Variants in AGPS observed in about 807,000 individuals in gnomAD.
AGPS encodes the protein alkylglycerone phosphate synthase.
AGPS carries 26 observed loss-of-function variants against 90.7 expected under a neutral mutation model. The ratio of observed to expected loss-of-function variants is 0.29; its 90% CI spans 0.21 to 0.40. The LOEUF (loss-of-function observed/expected upper bound fraction) is 0.40, where lower values mean the gene tolerates loss of function less well. Among genes scored for constraint, AGPS ranks in the 10% least tolerant of loss-of-function variants. The pLI, the probability that AGPS is intolerant of heterozygous loss-of-function variation, is 1.00. For missense variants in AGPS, 540 were observed against 816.1 expected (o/e 0.66, Z 4.12); for synonymous variants, 294 against 285.3 (o/e 1.03, Z -0.31).
intron 5 of AGPS, among the ~76,000 whole-genome samples, chr2:177,438,983 T>TACACACACACACAC (rs1252168755): frequency 1.3e-5 from 2 of 150,066 alleles, no homozygotes; most frequent in African/African-American, 4.9e-5. Flanking sequence ...ATTCTTGCAA[T>TACACACACACACAC]ACACACACAC....
chr2:177,476,650 G>A (rs1349666241), intron 10 of AGPS, among the ~76,000 whole-genome samples: 1 of 152,046 alleles, frequency 6.6e-6, no homozygotes, highest in East Asian at 1.9e-4. Context: ...TCTGTTGTTG[G>A]GTGGAGTGTT....
At chr2:177,430,550 T>A (rs1686211829) in intron 2 of AGPS, among the ~76,000 whole-genome samples, 1 of 152,196 alleles carries the variant, frequency 6.6e-6, no homozygotes, top group South Asian at 2.1e-4. Context: ...AAGTGTGGTT[T>A]CCCTGGTGGG....
At chr2:177,495,911 CTG>C (rs1688399393) in intron 12 of AGPS, among the ~76,000 whole-genome samples, 6 of 74,766 alleles carry the variant, frequency 8.0e-5, no homozygotes, top group Non-Finnish European at 1.2e-4. Flanking sequence ...CAGTGAGACT[CTG>C]TCTCAAAAAA....
At chr2:177,516,178 A>T (rs942456934) in intron 17 of AGPS, among the ~76,000 whole-genome samples, 8 of 152,156 alleles carry the variant, frequency 5.3e-5, no homozygotes, top group Admixed American at 2.0e-4. Flanking sequence ...TTATGGATCT[A>T]TTTAAAATCA....
rs560217758 is a variant in AGPS, at chr2:177,393,003, A to C, written c.214A>C (p.Thr72Pro). The C allele has an allele frequency of 6.5e-7, 1 of 1,550,228 alleles. No individual in the cohort carries two copies. The highest frequency in any genetic ancestry group is 2.4e-5 in the East Asian group (1 of 40,876). ...CGCGTCGGCGGCCACGGCAGCGCCC[A>C]CGGCCACTCCCGCCGCGCAGGAGTC... ...RAASAATAAP[T>P]ATPAAQESGT... The change falls in exon 1 of 20, where the codon ACG becomes CCG. Residue 72 changes from threonine (T) to proline (P), a missense_variant. Coordinates refer to ENST00000264167, the MANE Select transcript of AGPS (RefSeq NM_003659.4).
chr2:177,443,452 T>G (rs539995627), intron 7 of AGPS, among the ~76,000 whole-genome samples: 2 of 152,346 alleles, frequency 1.3e-5, no homozygotes, highest in South Asian at 2.1e-4. Context: ...TGTTGCTGCT[T>G]CTTGTCATTT....
At chr2:177,424,916 T>G (rs1274153591) in intron 2 of AGPS, among the ~76,000 whole-genome samples, 1 of 152,234 alleles carries the variant, frequency 6.6e-6, no homozygotes, top group Non-Finnish European at 1.5e-5. Flanking sequence ...TGCCCACTTT[T>G]TAATGGGGTT....
chr2:177,396,871 C>A (rs1574335801), intron 1 of AGPS, among the ~76,000 whole-genome samples: 3 of 151,774 alleles, frequency 2.0e-5, no homozygotes, highest in Admixed American at 1.3e-4. Context: ...GAGGGCTGAC[C>A]AAACAAAACC....
At chr2:177,397,690 C>T (rs1293969491) in intron 1 of AGPS, among the ~76,000 whole-genome samples, 2 of 152,116 alleles carry the variant, frequency 1.3e-5, no homozygotes, top group African/African-American at 4.8e-5. Context: ...ATTGTTTAGT[C>T]TACTTGCTTA....
rs1477760578 is a variant in AGPS at position 177,392,838 on chromosome 2, G to A, written c.49G>A (p.Ala17Thr). 2.6e-6 allele frequency: 4 copies of A among 1,547,546 alleles called. No homozygotes were observed. In the East Asian group the frequency reaches 9.8e-5, roughly 38 times the overall value. Residue 17 changes from alanine (A) to threonine (T), a missense_variant, in exon 1 of 20, where the codon GCG becomes ACG. Physicochemically the swap from Ala to Thr is moderately conservative, Grantham distance 58. Coordinates refer to ENST00000264167, the MANE Select transcript of AGPS (RefSeq NM_003659.4). ...AAGGTGLGAGASYGSAADRDR... is the reference protein window; with the variant it reads ...AAGGTGLGAGTSYGSAADRDR... The stretch of plus-strand genomic sequence containing the variant: ...GGGTGGGACTGGCTTGGGCGCGGGC[G>A]CGAGCTACGGGTCTGCAGCGGACCG...
At chr2:177,453,876 G>A (rs1234107601) in intron 8 of AGPS, among the ~76,000 whole-genome samples, 3 of 145,518 alleles carry the variant, frequency 2.1e-5, no homozygotes, top group African/African-American at 7.4e-5. Flanking sequence ...TAGTAGAGAC[G>A]GGGTTTCTCC....
intron 2 of AGPS, among the ~76,000 whole-genome samples, chr2:177,427,689 G>C (rs1165837190): frequency 6.6e-6 from 1 of 152,124 alleles, no homozygotes; most frequent in African/African-American, 2.4e-5. Context: ...TTGTGTTGTG[G>C]TCTGAGAGAC....
At chr2:177,437,676 C>T (rs1686455645) in intron 5 of AGPS, among the ~76,000 whole-genome samples, 1 of 151,962 alleles carries the variant, frequency 6.6e-6, no homozygotes, top group Non-Finnish European at 1.5e-5. Flanking sequence ...TTGTTCCTTG[C>T]TGTCCATTAT....
At chr2:177,399,596 G>A (rs1685276688) in intron 1 of AGPS, among the ~76,000 whole-genome samples, 1 of 152,160 alleles carries the variant, frequency 6.6e-6, no homozygotes, top group Non-Finnish European at 1.5e-5. Context: ...GTGTACCACA[G>A]AAGGCCTCCT....
At chr2:177,471,740 C>A (rs1251939098) in intron 10 of AGPS, among the ~76,000 whole-genome samples, 1 of 152,086 alleles carries the variant, frequency 6.6e-6, no homozygotes, top group African/African-American at 2.4e-5. Context: ...ATTTATATAT[C>A]CCCAGAGTTC....
chr2:177,517,018 G>A (rs150425408), intron 17 of AGPS, among the ~76,000 whole-genome samples: 1 of 152,080 alleles, frequency 6.6e-6, no homozygotes, highest in Non-Finnish European at 1.5e-5. Flanking sequence ...CTGTTCTGAG[G>A]CACCTAACAT....
intron 1 of AGPS, among the ~76,000 whole-genome samples, chr2:177,407,544 A>G (rs1266414451): frequency 2.0e-5 from 3 of 152,030 alleles, no homozygotes; most frequent in Non-Finnish European, 4.4e-5. Flanking sequence ...AGTGCCACAC[A>G]TTTCTAAATG....
At chr2:177,503,890 C>G (rs1688633387) in intron 14 of AGPS, among the ~76,000 whole-genome samples, 1 of 151,978 alleles carries the variant, frequency 6.6e-6, no homozygotes, top group Non-Finnish European at 1.5e-5. Context: ...CTCCCTGGAT[C>G]CTAATGTGAA....
intron 2 of AGPS, among the ~76,000 whole-genome samples, chr2:177,422,739 A>G (rs1403156999): frequency 6.6e-6 from 1 of 152,232 alleles, no homozygotes; most frequent in African/African-American, 2.4e-5. Flanking sequence ...GGTGGGAAGC[A>G]CCAGTACCTT....
Sources: allele counts gnomAD v4.1 joint callset (sites outside exome capture counted in the v4.1 genomes callset), GRCh38; gene constraint gnomAD v4.1.1; transcripts MANE v1.5; gene names NCBI Gene and HGNC (gene_info 2026-07-23, HGNC 2026-07-21).